Variants in FARP1 observed in about 807,000 individuals in gnomAD.
The protein encoded by FARP1 is FERM, ARH/RhoGEF and pleckstrin domain protein 1.
A neutral mutation model predicts 128.8 loss-of-function variants in FARP1; 52 were observed. The ratio of observed to expected loss-of-function variants is 0.40; its 90% CI spans 0.32 to 0.51. The LOEUF (loss-of-function observed/expected upper bound fraction) is 0.51. FARP1 is among the 20% of genes least tolerant of loss of function. The pLI is 0.45. For synonymous variants in FARP1, 580 were observed against 551.8 expected, an observed-to-expected ratio of 1.05 and a Z score of -0.72; for missense variants, 1,333 against 1,367.9, an observed-to-expected ratio of 0.97 and a Z score of 0.40.
chr13:98,235,766 A>AT (rs1443787577), intron 2 of FARP1, among the ~76,000 whole-genome samples: 1 of 150,758 alleles, frequency 6.6e-6, no homozygotes, highest in East Asian at 1.9e-4. Context: ...ATCTAGGCTC[A>AT]TTTTATACAC....
At chr13:98,358,363 G>A (rs1054938571) in intron 3 of FARP1, among the ~76,000 whole-genome samples, 3 of 151,908 alleles carry the variant, frequency 2.0e-5, no homozygotes, top group Admixed American at 2.0e-4. Context: ...GGAGATCACC[G>A]TTTCTCACTG....
At chr13:98,203,039 A>G (rs1391483335) in intron 1 of FARP1, among the ~76,000 whole-genome samples, 1 of 152,180 alleles carries the variant, frequency 6.6e-6, no homozygotes. Flanking sequence ...TCTTAATTAA[A>G]CATATAGGTA....
Position 98,213,420 on chromosome 13 carries a change from T to TG in FARP1, c.171+12dup, listed in dbSNP as rs772935879. The TG allele has an allele frequency of 8.1e-6, 13 of 1,612,744 alleles. No individual in the cohort carries two copies. The Admixed American group carries it at 8.3e-5, about 10-fold the overall frequency. ...GGAGGCATTTGAAGTTCCAGTAAGT[T>TG]GGGGGCTTATCTGTAACCCAGGAGT... is the stretch of plus-strand genomic sequence containing the variant. On this transcript the variant is annotated splice_region_variant and intron_variant, in intron 2 of 26. Transcript: ENST00000319562.
rs1166826775 is a variant in FARP1 at position 98,453,243 on chromosome 13, T to C, written c.*4926T>C. ...AAAGAGAGAGAGAGAAGTCAACACA[T>C]GTCATTTCTCATCCCTGTGCAAAAA... On this transcript the variant is annotated 3_prime_UTR_variant, in exon 27 of 27. Coordinates refer to ENST00000319562, the MANE Select transcript of FARP1 (RefSeq NM_005766.4). The C allele has an allele frequency of 1.9e-6, 3 of 1,606,070 alleles. No individual in the cohort carries two copies. The highest frequency in any genetic ancestry group is 2.6e-6 in the Non-Finnish European group (3 of 1,176,234).
chr13:98,390,722 A>T (rs1890274061), intron 10 of FARP1, 90 bp from the exon 11 acceptor site: 3 of 948,360 alleles, frequency 3.2e-6, no homozygotes, highest in Non-Finnish European at 3.4e-6. Flanking sequence ...TTAGGGAAGG[A>T]GGGGAAGTGA....
At chr13:98,271,464 T>C (rs1314103878) in intron 2 of FARP1, among the ~76,000 whole-genome samples, 1 of 152,090 alleles carries the variant, frequency 6.6e-6, no homozygotes, top group Non-Finnish European at 1.5e-5. Context: ...TACATAGGTA[T>C]ACATGTGCCA....
At chr13:98,182,345 A>G (rs1434539076) in intron 1 of FARP1, among the ~76,000 whole-genome samples, 1 of 152,030 alleles carries the variant, frequency 6.6e-6, no homozygotes, top group Non-Finnish European at 1.5e-5. Context: ...TTATTTTTTG[A>G]GACAGGATCT....
At position 98,242,247 on chromosome 13, in the gene FARP1, G is replaced by A. The variant is rs139188256; in HGVS notation, c.171+28834G>A. Among the ~76,000 whole-genome samples the A allele has an allele frequency of 8.3e-4, 126 of 152,298 alleles. 3 individuals carry two copies. In the East Asian group the frequency reaches 0.024, roughly 29 times the overall value. On this transcript the variant is annotated intron_variant, in intron 2 of 26. Transcript: ENST00000319562. ...AGCGTACTCCCCCTCCCTCGAGGCC[G>A]TAGGGACCGTTAGTGTTTACTACCT...
Position 98,392,904 on chromosome 13 carries a change from G to A in FARP1, c.1089-739G>A, listed in dbSNP as rs375343239. Among the ~76,000 whole-genome samples, 9 of 151,948 alleles carry A rather than the reference G, an allele frequency of 5.9e-5. 1 individual carries two copies. Among genetic ancestry groups the A allele is most frequent in the Middle Eastern group, 3.4e-3 (1 of 294 alleles). On this transcript the variant is annotated intron_variant, in intron 11 of 26. Transcript: ENST00000319562. ...TGGTTAGTATTTGAAAACCATGTAA[G>A]AAATAGCCCAGTTCTCTCTCTGATT...
At chr13:98,424,856 T>G (rs1891721439) in intron 17 of FARP1, among the ~76,000 whole-genome samples, 1 of 151,536 alleles carries the variant, frequency 6.6e-6, no homozygotes, top group Non-Finnish European at 1.5e-5. Context: ...TAAACTTTCT[T>G]AAAACATTAT....
intron 2 of FARP1, among the ~76,000 whole-genome samples, chr13:98,339,593 A>G (rs1887878850): frequency 6.6e-6 from 1 of 152,216 alleles, no homozygotes; most frequent in South Asian, 2.1e-4. Context: ...CCTTACAACC[A>G]TAGATAGAGC....
chr13:98,377,879 G>T lies in FARP1; in HGVS notation c.457G>T (p.Asp153Tyr). Residue 153 changes from aspartate to tyrosine, a missense_variant, in exon 6 of 27, where the codon GAC becomes TAC. Coordinates refer to ENST00000319562, the MANE Select transcript of FARP1 (RefSeq NM_005766.4). ...DLAQGRLTCN[D>Y]TSAALLISHI... Reference sequence around the variant, plus strand: ...GGCTCAAGGCAGGTTGACGTGTAATGACACCAGCGCAGCTCTCTTGATTTC... The same window carrying T: ...GGCTCAAGGCAGGTTGACGTGTAATTACACCAGCGCAGCTCTCTTGATTTC... The T allele has an allele frequency of 8.7e-6, 14 of 1,613,896 alleles. No homozygotes were observed. Among genetic ancestry groups the T allele is most frequent in the Non-Finnish European group, 1.1e-5 (13 of 1,179,792 alleles).
At chr13:98,396,394 TC>T in intron 13 of FARP1, 4 of 399,326 alleles carry the variant, frequency 1.0e-5, no homozygotes. Flanking sequence ...AGTGCTGCGT[TC>T]CCCGTCCCTG....
chr13:98,330,642 C>T (rs978394943), intron 2 of FARP1, among the ~76,000 whole-genome samples: 4 of 151,898 alleles, frequency 2.6e-5, no homozygotes, highest in African/African-American at 9.7e-5. Context: ...GTAATCCCAG[C>T]TACTCGAGAG....
At chr13:98,261,564 C>A (rs1883883901) in intron 2 of FARP1, among the ~76,000 whole-genome samples, 1 of 149,012 alleles carries the variant, frequency 6.7e-6, no homozygotes, top group African/African-American at 2.5e-5. Context: ...GCTTTGAATA[C>A]AATGGGAAGG....
chr13:98,385,866 G>A lies in FARP1; in HGVS notation c.759+52G>A, dbSNP rs570952136. 335 of 1,589,990 alleles carry A rather than the reference G, an allele frequency of 2.1e-4. 11 individuals are homozygous for A. The South Asian group carries it at 3.5e-3, about 17-fold the overall frequency. ...TTCCCTTGGTGACAGAGAGAGAAGAGCTGGCCCTTCAACTCTGATTCATAT... is the reference window on the plus strand; with the variant it reads ...TTCCCTTGGTGACAGAGAGAGAAGAACTGGCCCTTCAACTCTGATTCATAT... On this transcript the variant is annotated intron_variant, in intron 8 of 26. Transcript: ENST00000319562.
chr13:98,189,538 A>G (rs1879092066), intron 1 of FARP1, among the ~76,000 whole-genome samples: 1 of 152,190 alleles, frequency 6.6e-6, no homozygotes, highest in Non-Finnish European at 1.5e-5. Context: ...ACAGAAAGGA[A>G]CTTGAGTATA....
At chr13:98,250,484 A>T (rs1307001376) in intron 2 of FARP1, among the ~76,000 whole-genome samples, 2 of 152,178 alleles carry the variant, frequency 1.3e-5, no homozygotes, top group African/African-American at 4.8e-5. Flanking sequence ...GCACTTTGGG[A>T]GGCCGAGGCG....
intron 26 of FARP1, chr13:98,447,084 C>G (rs2281767): frequency 2.4e-6 from 1 of 423,540 alleles, no homozygotes; most frequent in Non-Finnish European, 4.3e-6. Context: ...ATAACGTGTC[C>G]GGGATGATGA....
Sources: gnomAD v4.1 joint callset for allele counts (sites outside exome capture counted in the v4.1 genomes callset) on GRCh38, gnomAD v4.1.1 for gene constraint, MANE v1.5 for transcripts, NCBI Gene and HGNC (gene_info 2026-07-23, HGNC 2026-07-21) for gene names.